JAK1: variants seen among roughly 807,000 people sequenced by gnomAD.
JAK1 encodes Janus kinase 1.
Under a neutral mutation model 136.6 loss-of-function variants are expected in JAK1, and 16 were observed. That is an observed-to-expected ratio of 0.12 (90% CI 0.08 to 0.18). The LOEUF is 0.18. JAK1 is among the 10% of genes least tolerant of loss of function. JAK1 has a pLI of 1.00. For missense variants in JAK1, 859 were observed against 1,450.1 expected (o/e 0.59, Z 6.62); for synonymous variants, 492 against 519.5 (o/e 0.95, Z 0.72).
intron 2 of JAK1, among the ~76,000 whole-genome samples, chr1:64,975,813 A>G (rs1646493457): frequency 6.6e-6 from 1 of 152,144 alleles, no homozygotes; most frequent in South Asian, 2.1e-4. Flanking sequence ...GGTTCCACAC[A>G]TCTTCCTCCC....
At chr1:64,981,785 G>A (rs543883350) in intron 2 of JAK1, among the ~76,000 whole-genome samples, 9 of 152,278 alleles carry the variant, frequency 5.9e-5, no homozygotes, top group African/African-American at 2.2e-4. Flanking sequence ...CTATTACACA[G>A]CAGGAACTGA....
At chr1:64,950,794 T>A (rs1331283207) in intron 1 of JAK1, among the ~76,000 whole-genome samples, 1 of 152,250 alleles carries the variant, frequency 6.6e-6, no homozygotes, top group Non-Finnish European at 1.5e-5. Context: ...AAATTCTCTA[T>A]GTGACTACCT....
chr1:65,026,473 C>T (rs1646978548), intron 2 of JAK1, among the ~76,000 whole-genome samples: 1 of 152,168 alleles, frequency 6.6e-6, no homozygotes, highest in Non-Finnish European at 1.5e-5. Flanking sequence ...CCAGCTTCCC[C>T]TCTCAAAGCA....
rs542425524 is a variant in JAK1 at position 65,046,063 on chromosome 1, A to G, written c.-180-1481T>C. Reference sequence around the variant, plus strand: ...GTATCTTATACACAGTCAGAACTCAATAAGTGGTCACTCTTTTAAGAACTG... The same window carrying G: ...GTATCTTATACACAGTCAGAACTCAGTAAGTGGTCACTCTTTTAAGAACTG... On this transcript the variant is annotated intron_variant, in intron 1 of 25. Transcript: ENST00000671954. Among the ~76,000 whole-genome samples the G allele has an allele frequency of 2.6e-4, 39 of 152,364 alleles. No homozygotes were observed. In the East Asian group the frequency reaches 3.7e-3, roughly 14 times the overall value.
In JAK1 at chr1:64,839,774, G is replaced by A. The variant is rs2100963253; in HGVS notation, c.2671C>T (p.Leu891Phe). ...TCCCCTTCGGGGTCATACCTGCAGA[G>A]CTCAACCTTCCCAAAGTGGCCCTGG... ...LGEGHFGKVE[L>F]CRYDPEGDNT... The change falls in exon 20 of 25, where the codon CTC (leucine) becomes TTC (phenylalanine). Residue 891 changes from leucine to phenylalanine, a missense_variant. Physicochemically the swap from Leu to Phe is conservative, Grantham distance 22. Coordinates refer to ENST00000342505, the MANE Select transcript of JAK1 (RefSeq NM_002227.4). The A allele has an allele frequency of 6.2e-7, 1 of 1,609,622 alleles. No homozygotes were observed. The highest frequency in any genetic ancestry group is 8.5e-7 in the Non-Finnish European group (1 of 1,178,010).
At chr1:64,970,546 A>G (rs1646442307), upstream of JAK1, among the ~76,000 whole-genome samples, 1 of 152,164 alleles carries the variant, frequency 6.6e-6, no homozygotes, top group East Asian at 1.9e-4. Context: ...ACCTGACGTC[A>G]GGAGTTCAAG....
intron 1 of JAK1, among the ~76,000 whole-genome samples, chr1:64,904,269 A>G (rs777532149): frequency 6.6e-6 from 1 of 152,238 alleles, no homozygotes; most frequent in Non-Finnish European, 1.5e-5. Context: ...ACCAACAGAA[A>G]TGAAGTATCG....
chr1:65,061,335 G>A (rs189750016), intron 1 of JAK1, among the ~76,000 whole-genome samples: 146 of 152,182 alleles, frequency 9.6e-4, no homozygotes, highest in Non-Finnish European at 1.5e-3. Flanking sequence ...ATGAAAGGCT[G>A]AGGCTGCCAT....
intron 2 of JAK1, among the ~76,000 whole-genome samples, chr1:65,013,896 GAAAT>G (rs1646871598): frequency 6.6e-6 from 1 of 152,038 alleles, no homozygotes; most frequent in Non-Finnish European, 1.5e-5. Context: ...TATTGTTAAA[GAAAT>G]AAAAGATGAG....
At chr1:65,023,836 T>C (rs1766962) in intron 2 of JAK1, among the ~76,000 whole-genome samples, 34,502 of 151,660 alleles carry the variant, frequency 0.23, 5,063 homozygotes, top group East Asian at 0.39. Flanking sequence ...TGCTCTGGGA[T>C]TGCATGTAAA....
intron 13 of JAK1, 34 bp downstream of exon 13, chr1:64,847,498 A>G: frequency 1.9e-6 from 3 of 1,611,312 alleles, no homozygotes; most frequent in Non-Finnish European, 2.5e-6. Context: ...GAAACGGGAG[A>G]GGGGAGGGGA....
At chr1:65,042,977 G>A (rs566163680) in intron 2 of JAK1, among the ~76,000 whole-genome samples, 4 of 152,118 alleles carry the variant, frequency 2.6e-5, no homozygotes, top group Admixed American at 1.3e-4. Flanking sequence ...AAGGAGTTTG[G>A]TGTGGGCCCA....
chr1:64,902,139 T>C (rs1450993723), intron 1 of JAK1, among the ~76,000 whole-genome samples: 1 of 152,176 alleles, frequency 6.6e-6, no homozygotes. Flanking sequence ...GTCAATGGAG[T>C]CTTCACTTCC....
intron 1 of JAK1, among the ~76,000 whole-genome samples, chr1:64,897,058 T>C (rs1557672851): frequency 1.3e-5 from 2 of 151,952 alleles, no homozygotes; most frequent in African/African-American, 4.8e-5. Flanking sequence ...ACGAAGAAGG[T>C]GGGATACAAA....
intron 1 of JAK1, among the ~76,000 whole-genome samples, chr1:64,910,253 C>CCG (rs1303488995): frequency 2.0e-5 from 3 of 152,026 alleles, no homozygotes; most frequent in Non-Finnish European, 2.9e-5. Flanking sequence ...AAAGTCAAGG[C>CCG]TAGTGGAAAG....
chr1:64,927,040 A>C (rs569996364), intron 1 of JAK1, among the ~76,000 whole-genome samples: 1 of 152,258 alleles, frequency 6.6e-6, no homozygotes, highest in African/African-American at 2.4e-5. Flanking sequence ...TATGTCCTCA[A>C]ATATACCAAC....
intron 1 of JAK1, among the ~76,000 whole-genome samples, chr1:64,895,706 C>T (rs994506190): frequency 2.6e-5 from 4 of 152,202 alleles, no homozygotes; most frequent in African/African-American, 7.2e-5. Flanking sequence ...CAGTTGGTTA[C>T]CTCCTACAGC....
upstream of JAK1, among the ~76,000 whole-genome samples, chr1:64,970,742 C>T (rs376596178): frequency 1.2e-4 from 18 of 144,770 alleles, no homozygotes; most frequent in South Asian, 6.5e-4. Flanking sequence ...CCAGCCTAGA[C>T]GACAGAGAGA....
chr1:65,039,858 G>T (rs1029316325), intron 2 of JAK1, among the ~76,000 whole-genome samples: 2 of 152,030 alleles, frequency 1.3e-5, no homozygotes, highest in Admixed American at 6.6e-5. Flanking sequence ...TCCAATAGCT[G>T]CTGTAAGAAA....
Sources: allele counts gnomAD v4.1 joint callset (sites outside exome capture counted in the v4.1 genomes callset), GRCh38; gene constraint gnomAD v4.1.1; transcripts MANE v1.5; gene names NCBI Gene and HGNC (gene_info 2026-07-23, HGNC 2026-07-21).